GUCY2C: variants seen among roughly 807,000 people sequenced by gnomAD.
GUCY2C encodes guanylyl cyclase C.
GUCY2C carries 118 observed loss-of-function variants against 131.1 expected under a neutral mutation model. The observed-to-expected ratio is 0.90, with a 90% CI of 0.78 to 1.05. The LOEUF (loss-of-function observed/expected upper bound fraction) is 1.05. GUCY2C is among the 50% of genes least tolerant of loss of function. The pLI is 0.00. For synonymous variants in GUCY2C, 452 were observed against 457.8 expected (o/e 0.99, Z 0.16); for missense variants, 1,161 against 1,304.4 (o/e 0.89, Z 1.69).
intron 25 of GUCY2C, among the ~76,000 whole-genome samples, chr12:14,615,174 T>C (rs1946733903): frequency 6.6e-6 from 1 of 152,188 alleles, no homozygotes; most frequent in African/African-American, 2.4e-5. Context: ...GACATCCTTT[T>C]CTCAAAGTAG....
At chr12:14,626,036 CAT>C (rs1947006731) in intron 20 of GUCY2C, 121 bp from the exon 21 acceptor site, 1 of 684,546 alleles carries the variant, frequency 1.5e-6, no homozygotes. Context: ...AGCCAACAAA[CAT>C]AACAAAAAAA....
chr12:14,681,594 A>C, intron 4 of GUCY2C, 117 bp from the exon 5 acceptor site: 2 of 811,984 alleles, frequency 2.5e-6, no homozygotes, highest in Non-Finnish European at 4.1e-6. Context: ...CATTTCTGCT[A>C]TTAACACAAT....
chr12:14,625,638 T>C (rs1946998286), intron 21 of GUCY2C, 119 bp downstream of exon 21: 1 of 1,047,902 alleles, frequency 9.5e-7, no homozygotes, highest in East Asian at 2.4e-5. Context: ...TGGCAGTACG[T>C]GCATTTTAAA....
At chr12:14,632,782 C>T (rs1333176256) in intron 19 of GUCY2C, among the ~76,000 whole-genome samples, 1 of 152,164 alleles carries the variant, frequency 6.6e-6, no homozygotes, top group African/African-American at 2.4e-5. Context: ...CCCAGTGCTT[C>T]AGCCTACCGT....
chr12:14,693,372 G>A (rs531791567), intron 1 of GUCY2C, among the ~76,000 whole-genome samples: 1 of 152,296 alleles, frequency 6.6e-6, no homozygotes, highest in East Asian at 1.9e-4. Context: ...TACAGCCTCA[G>A]GGAGGTGATG....
In GUCY2C at chr12:14,619,267, T is replaced by C; in HGVS notation, c.2819A>G (p.Tyr940Cys). Residue 940 changes from tyrosine (Y) to cysteine (C), a missense_variant, in exon 24 of 27, where the codon TAT (tyrosine) becomes TGT (cysteine). Transcript: ENST00000261170. The stretch of plus-strand genomic sequence containing the variant: ...GTTGACCGTATCTCCAAATAGACAA[T>C]AACGAGGCATCTTGATTCCCACAAC... ...AGVVGIKMPR[Y>C]CLFGDTVNTA... The C allele has an allele frequency of 6.2e-7, 1 of 1,612,966 alleles. No homozygotes were observed. The highest frequency in any genetic ancestry group is 8.5e-7 in the Non-Finnish European group (1 of 1,179,098).
Position 14,629,721 on chromosome 12 carries a change from T to G in GUCY2C, c.2158-984A>C, listed in dbSNP as rs7978222. Among the ~76,000 whole-genome samples the G allele has an allele frequency of 4.9e-3, 750 of 152,344 alleles. 8 individuals are homozygous for G. Among genetic ancestry groups the G allele is most frequent in the African/African-American group, 0.018 (730 of 41,578 alleles). On this transcript the variant is annotated intron_variant, in intron 19 of 26. Transcript: ENST00000261170. ...GCTCCAAATGGAATAAAAGCCGTAC[T>G]GTCCATGGTTCTAACTTATAGCAAA...
chr12:14,685,790 C>G (rs1948456855), intron 3 of GUCY2C, among the ~76,000 whole-genome samples: 1 of 152,116 alleles, frequency 6.6e-6, no homozygotes, highest in African/African-American at 2.4e-5. Flanking sequence ...CTACTAGTAC[C>G]CTGGGGTGTT....
chr12:14,645,383 A>G, intron 15 of GUCY2C, 68 bp from the exon 16 acceptor site: 1 of 754,306 alleles, frequency 1.3e-6, no homozygotes, highest in Non-Finnish European at 2.3e-6. Context: ...GACTATTATG[A>G]AACAAATAAT....
At chr12:14,641,260 G>T in intron 17 of GUCY2C, 41 bp from the exon 18 acceptor site, 1 of 1,607,242 alleles carries the variant, frequency 6.2e-7, no homozygotes, top group Non-Finnish European at 8.5e-7. Context: ...TGAGGGGGGT[G>T]AGTGGTTCAT....
At chr12:14,673,829 C>A (rs1168525957) in intron 8 of GUCY2C, among the ~76,000 whole-genome samples, 1 of 152,160 alleles carries the variant, frequency 6.6e-6, no homozygotes, top group Non-Finnish European at 1.5e-5. Context: ...GGATGACCAA[C>A]AAATTACTGT....
intron 9 of GUCY2C, among the ~76,000 whole-genome samples, chr12:14,671,613 T>C (rs746896727): frequency 1.3e-5 from 2 of 152,212 alleles, no homozygotes; most frequent in Non-Finnish European, 2.9e-5. Flanking sequence ...CAACCGATGG[T>C]ACTACATTAT....
In GUCY2C at chr12:14,681,295, A is replaced by G. The variant is rs1012537144; in HGVS notation, c.733+61T>C. 6 of 1,447,890 alleles carry G rather than the reference A, an allele frequency of 4.1e-6. No homozygotes were observed. The Middle Eastern group carries it at 5.3e-4, about 128-fold the overall frequency. 89.7% of individuals were successfully genotyped at this position (1,447,890 alleles called of 1,614,324 possible). A position where few individuals can be genotyped will look rare whatever the true frequency, so the allele number is the denominator to read the frequency against. On this transcript the variant is annotated intron_variant, in intron 5 of 26. Transcript: ENST00000261170. Reference sequence around the variant, plus strand: ...TGGAGGATTTGTTGAAATGACTTATAAGGAGGTGGTAGTCATAAAGAAGAA... The same window carrying G: ...TGGAGGATTTGTTGAAATGACTTATGAGGAGGTGGTAGTCATAAAGAAGAA...
At chr12:14,687,852 T>C (rs1443034115) in intron 2 of GUCY2C, 99 bp downstream of exon 2, 3 of 716,576 alleles carry the variant, frequency 4.2e-6, no homozygotes, top group Non-Finnish European at 7.7e-6. Flanking sequence ...TGGCTAGAGA[T>C]GATGGGAGAG....
intron 11 of GUCY2C, among the ~76,000 whole-genome samples, chr12:14,659,915 C>A (rs908628894): frequency 7.9e-5 from 12 of 152,204 alleles, no homozygotes; most frequent in African/African-American, 2.9e-4. Flanking sequence ...TATCTTTGAT[C>A]TTGTGATTTA....
At chr12:14,641,801 G>C (rs1177167148) in intron 17 of GUCY2C, among the ~76,000 whole-genome samples, 2 of 152,046 alleles carry the variant, frequency 1.3e-5, no homozygotes, top group African/African-American at 4.8e-5. Flanking sequence ...GCCAGGCGTG[G>C]TGGTGGGTGC....
chr12:14,695,845 A>G (rs1372564262), intron 1 of GUCY2C, among the ~76,000 whole-genome samples: 3 of 152,008 alleles, frequency 2.0e-5, no homozygotes, highest in Admixed American at 6.6e-5. Flanking sequence ...TTTTGAAGAG[A>G]TGGAGTCTTG....
At chr12:14,638,655 G>A (rs532161911) in intron 19 of GUCY2C, among the ~76,000 whole-genome samples, 1 of 152,170 alleles carries the variant, frequency 6.6e-6, no homozygotes, top group Non-Finnish European at 1.5e-5. Flanking sequence ...GGCTGAAAAA[G>A]TTGATCTCAT....
chr12:14,640,084 C>A, intron 18 of GUCY2C, 134 bp from the exon 19 acceptor site: 1 of 651,094 alleles, frequency 1.5e-6, no homozygotes, highest in Non-Finnish European at 2.7e-6. Flanking sequence ...AGAGCCTAGA[C>A]CAGCACTCAG....
Sources: gnomAD v4.1 joint callset for allele counts (sites outside exome capture counted in the v4.1 genomes callset) on GRCh38, gnomAD v4.1.1 for gene constraint, MANE v1.5 for transcripts, NCBI Gene and HGNC (gene_info 2026-07-23, HGNC 2026-07-21) for gene names.